TNFAIP8L1: variants seen among roughly 807,000 people sequenced by gnomAD.
The protein encoded by TNFAIP8L1 is TNF alpha induced protein 8 like 1.
For missense variants in TNFAIP8L1, 225 were observed against 266.1 expected (o/e 0.85, Z 1.08); for synonymous variants, 127 against 125.6 (o/e 1.01, Z -0.08).
chr19:4,645,014 C>T lies in TNFAIP8L1; in HGVS notation c.-4+5385C>T, dbSNP rs2088297358. Among the ~76,000 whole-genome samples, 1 of 152,180 alleles carries T rather than the reference C, an allele frequency of 6.6e-6. No homozygotes were observed. The highest frequency in any genetic ancestry group is 1.5e-5 in the Non-Finnish European group (1 of 68,018). On this transcript the variant is annotated intron_variant, in intron 1 of 1. Transcript: ENST00000327473. The surrounding 1 kb of genome is among the most constrained non-coding windows in gnomAD (Gnocchi z 4.1). ...AGGCCTGAGGCCCCCCCTGGGCCCCCGGACTGAGTGCAGCCGGGGCTGAGA... is the reference window on the plus strand; with the variant it reads ...AGGCCTGAGGCCCCCCCTGGGCCCCTGGACTGAGTGCAGCCGGGGCTGAGA...
Position 4,646,212 on chromosome 19 carries a change from T to G in TNFAIP8L1, c.-3-5655T>G, listed in dbSNP as rs1347494561. ...ATCTCGACTCCCTGCAACCTCCGCC[T>G]CCCAGGTTCAAGCGGTTCTCCTGCC... is the stretch of plus-strand genomic sequence containing the variant. On this transcript the variant is annotated intron_variant, in intron 1 of 1. Transcript: ENST00000327473. Among the ~76,000 whole-genome samples the G allele has an allele frequency of 2.6e-5, 4 of 151,696 alleles. No homozygotes were observed. The East Asian group carries it at 7.7e-4, about 29-fold the overall frequency.
chr19:4,647,388 AACCTCC>A (rs112789196), intron 1 of TNFAIP8L1, among the ~76,000 whole-genome samples: 9,670 of 151,922 alleles, frequency 0.064, 342 homozygotes, highest in African/African-American at 0.089. Context: ...CTGTCACTGC[AACCTCC>A]ACCTCCCGGG....
Position 4,652,358 on chromosome 19 carries a change from C to T in TNFAIP8L1, c.489C>T (p.Ala163=), listed in dbSNP as rs1295587171. 1 of 1,554,854 alleles carries T rather than the reference C, an allele frequency of 6.4e-7. No individual in the cohort carries two copies. The highest frequency in any genetic ancestry group is 2.4e-5 in the East Asian group (1 of 41,298). The part of the protein sequence containing the change: ...CDFLAALYGP[A]EPYRSHLRRI... ...TCCTGGCTGCGCTCTACGGCCCCGCCGAGCCCTACCGCTCCCACCTGCGCA... is the reference window on the plus strand; with the variant it reads ...TCCTGGCTGCGCTCTACGGCCCCGCTGAGCCCTACCGCTCCCACCTGCGCA... Residue 163 remains alanine (A), a synonymous_variant, in exon 2 of 2, where the codon GCC becomes GCT. Transcript: ENST00000327473.
rs1261988923 is a variant in TNFAIP8L1 at position 4,652,380 on chromosome 19, C to A, written c.511C>A (p.Arg171Ser). The change falls in exon 2 of 2, where the codon CGC (arginine) becomes AGC (serine). Residue 171 changes from arginine (R) to serine (S), a missense_variant. Physicochemically the swap from Arg to Ser is moderately radical, Grantham distance 110 (BLOSUM62 -1). Coordinates refer to ENST00000327473, the MANE Select transcript of TNFAIP8L1 (RefSeq NM_152362.3). ...CGCCGAGCCCTACCGCTCCCACCTG[C>A]GCAGGATCTGCGAGGGCCTGGGCCG... ...GPAEPYRSHLRRICEGLGRML... is the reference protein window; with the variant it reads ...GPAEPYRSHLSRICEGLGRML... 6.4e-6 allele frequency: 10 copies of A among 1,553,628 alleles called. No individual in the cohort carries two copies. The highest frequency in any genetic ancestry group is 7.8e-6 in the Non-Finnish European group (9 of 1,151,420).
At chr19:4,646,832 G>A (rs962380244) in intron 1 of TNFAIP8L1, among the ~76,000 whole-genome samples, 40 of 152,094 alleles carry the variant, frequency 2.6e-4, no homozygotes, top group African/African-American at 7.5e-4. Flanking sequence ...GGGTTTCACC[G>A]TGTTAGCCAG....
chr19:4,645,093 G>A lies in TNFAIP8L1; in HGVS notation c.-4+5464G>A, dbSNP rs114045536. Among the ~76,000 whole-genome samples, 895 of 152,318 alleles carry A rather than the reference G, an allele frequency of 5.9e-3. 8 individuals carry two copies. Among genetic ancestry groups the A allele is most frequent in the African/African-American group, 0.021 (859 of 41,580 alleles). On this transcript the variant is annotated intron_variant, in intron 1 of 1. Transcript: ENST00000327473. The surrounding 1 kb of genome is among the most constrained non-coding windows in gnomAD (Gnocchi z 4.1). ...CTGCAGAGCAGATCCATCAATTATT[G>A]ACACTCTGTGAGGTGCATGAAGAAT...
rs2088392699 is a variant in TNFAIP8L1, at chr19:4,653,562, C to T, written c.*1132C>T. 6.3e-6 allele frequency: 1 copy of T among 159,780 alleles called. No individual in the cohort carries two copies. The highest frequency in any genetic ancestry group is 1.5e-5 in the Non-Finnish European group (1 of 68,012). The allele number at this position is 159,780 out of a possible 1,614,324, so 9.9% of individuals were successfully genotyped here. ...ACAAGGTCAAGAGATCGAGACCATC[C>T]TGGCCAACATGGTGAAACCCCGTCT... On this transcript the variant is annotated 3_prime_UTR_variant, in exon 2 of 2. Coordinates refer to ENST00000327473, the MANE Select transcript of TNFAIP8L1 (RefSeq NM_152362.3).
chr19:4,650,116 C>T (rs940797856), intron 1 of TNFAIP8L1, among the ~76,000 whole-genome samples: 8 of 152,266 alleles, frequency 5.3e-5, no homozygotes, highest in Non-Finnish European at 8.8e-5. Context: ...GCAGGGACAC[C>T]GTGGATAAGG....
At chr19:4,649,342 C>T (rs1412342723) in intron 1 of TNFAIP8L1, among the ~76,000 whole-genome samples, 2 of 152,014 alleles carry the variant, frequency 1.3e-5, no homozygotes, top group African/African-American at 4.8e-5. Context: ...TGCAGCCTCT[C>T]GTCCAGAGGA....
chr19:4,645,155 CAT>C lies in TNFAIP8L1; in HGVS notation c.-4+5528_-4+5529del, dbSNP rs1358063954. On this transcript the variant is annotated intron_variant, in intron 1 of 1. Transcript: ENST00000327473. This position sits in a 1 kb window ranked among gnomAD's most constrained non-coding sequence, Gnocchi z 4.1. ...GGGTGGGGACGGCAGGGACTTGTGACATAATTGCAGCCAGCTCACCAGAGCCA... is the reference window on the plus strand; with the variant it reads ...GGGTGGGGACGGCAGGGACTTGTGACAATTGCAGCCAGCTCACCAGAGCCA... Among the ~76,000 whole-genome samples, 5 of 152,200 alleles carry C rather than the reference CAT, an allele frequency of 3.3e-5. No homozygotes were observed. Among genetic ancestry groups the C allele is most frequent in the Admixed American group, 1.3e-4 (2 of 15,272 alleles).
At chr19:4,644,605 ATTTTT>A (rs553560316) in intron 1 of TNFAIP8L1, among the ~76,000 whole-genome samples, 40 of 88,734 alleles carry the variant, frequency 4.5e-4, no homozygotes, top group African/African-American at 1.8e-3. Flanking sequence ...TGAGTCATGG[ATTTTT>A]TTTTTTTTTT....
In TNFAIP8L1 at chr19:4,652,312, G is replaced by T; in HGVS notation, c.443G>T (p.Gly148Val). 6.4e-7 allele frequency: 1 copy of T among 1,559,400 alleles called. No individual in the cohort carries two copies. Among genetic ancestry groups the T allele is most frequent in the Non-Finnish European group, 8.7e-7 (1 of 1,154,406 alleles). Residue 148 changes from glycine to valine, a missense_variant, in exon 2 of 2, where the codon GGC (glycine) becomes GTC (valine). Transcript: ENST00000327473. ...CACGGCCGCATCAACCACGTGTTCGGCCACCTAGCCGACTGCGACTTCCTG... is the reference window on the plus strand; with the variant it reads ...CACGGCCGCATCAACCACGTGTTCGTCCACCTAGCCGACTGCGACTTCCTG... ...KSHGRINHVF[G>V]HLADCDFLAA...
At chr19:4,644,810 A>G (rs1390992467) in intron 1 of TNFAIP8L1, among the ~76,000 whole-genome samples, 15 of 152,012 alleles carry the variant, frequency 9.9e-5, no homozygotes, top group Admixed American at 9.8e-4. Context: ...CATGTTGGCC[A>G]GGCTGGTCTT....
In TNFAIP8L1 at chr19:4,654,878, G is replaced by C. The variant is rs563414299; in HGVS notation, c.*2448G>C. 1 of 152,204 alleles carries C rather than the reference G, an allele frequency of 6.6e-6. No homozygotes were observed. Among genetic ancestry groups the C allele is most frequent in the Non-Finnish European group, 1.5e-5 (1 of 68,044 alleles). 9.4% of individuals were successfully genotyped at this position (152,204 alleles called of 1,614,324 possible). ...CAGGAAGGTTATTTTGGGTGCCTGT[G>C]GGGGAGGTGAAACAAGGTCCCATGA... On this transcript the variant is annotated 3_prime_UTR_variant, in exon 2 of 2. Transcript: ENST00000327473.
chr19:4,644,161 C>T (rs1263698084), intron 1 of TNFAIP8L1, among the ~76,000 whole-genome samples: 1 of 152,012 alleles, frequency 6.6e-6, no homozygotes, highest in East Asian at 1.9e-4. Context: ...GCAGAGGTTG[C>T]AGTGAGCTGA....
chr19:4,652,264 G>T lies in TNFAIP8L1; in HGVS notation c.395G>T (p.Gly132Val). ...CGCGACCTGCTGCACCAGGCCGTGGGTCCCCACCTGACCGCCAAGTCCCAC... is the reference window on the plus strand; with the variant it reads ...CGCGACCTGCTGCACCAGGCCGTGGTTCCCCACCTGACCGCCAAGTCCCAC... ...ECRDLLHQAV[G>V]PHLTAKSHGR... The change falls in exon 2 of 2, where the codon GGT (glycine) becomes GTT (valine). Residue 132 changes from glycine to valine, a missense_variant. Gly to Val is a moderately radical substitution (Grantham distance 109, BLOSUM62 -3). Coordinates refer to ENST00000327473, the MANE Select transcript of TNFAIP8L1 (RefSeq NM_152362.3). 1 of 1,563,248 alleles carries T rather than the reference G, an allele frequency of 6.4e-7. No individual in the cohort carries two copies.
In TNFAIP8L1 at chr19:4,641,142, G is replaced by A. The variant is rs75954878; in HGVS notation, c.-4+1513G>A. On this transcript the variant is annotated intron_variant, in intron 1 of 1. Transcript: ENST00000327473. This position sits in a 1 kb window ranked among gnomAD's most constrained non-coding sequence, Gnocchi z 4.6. ...TCCCACTGTGTGGCCTTGGACCGACGGTCAGGTGCCCCCAGAGCCTCAGTT... is the reference window on the plus strand; with the variant it reads ...TCCCACTGTGTGGCCTTGGACCGACAGTCAGGTGCCCCCAGAGCCTCAGTT... 2,518 of 152,378 alleles carry A rather than the reference G, an allele frequency of 0.017. 50 individuals are homozygous for A. The highest frequency in any genetic ancestry group is 0.049 in the African/African-American group (2,027 of 41,510). The allele number at this position is 152,378 out of a possible 1,614,324, so 9.4% of individuals were successfully genotyped here.
intron 1 of TNFAIP8L1, among the ~76,000 whole-genome samples, chr19:4,644,605 ATTTTTTTTTTTT>A (rs553560316): frequency 3.4e-5 from 3 of 88,734 alleles, no homozygotes; most frequent in Admixed American, 1.4e-4. Context: ...TGAGTCATGG[ATTTTTTTTTTTT>A]TTTTTTTTTT....
At chr19:4,648,924 CTTTTTTTTTTT>C (rs10526236) in intron 1 of TNFAIP8L1, among the ~76,000 whole-genome samples, 32,447 of 132,554 alleles carry the variant, frequency 0.24, 3,888 homozygotes, top group Middle Eastern at 0.36. Flanking sequence ...TGCAAACATC[CTTTTTTTTTTT>C]TTTTTTTTTT....
Sources: allele counts gnomAD v4.1 joint callset (sites outside exome capture counted in the v4.1 genomes callset), GRCh38; gene constraint gnomAD v4.1.1; non-coding constraint Gnocchi (gnomAD v3.1); transcripts MANE v1.5; gene names NCBI Gene and HGNC (gene_info 2026-07-23, HGNC 2026-07-21).